CPM: variants seen among roughly 807,000 people sequenced by gnomAD.
CPM encodes renal carboxypeptidase.
Under a neutral mutation model 46.4 loss-of-function variants are expected in CPM, and 35 were observed. That is an observed-to-expected ratio of 0.75 (90% CI 0.58 to 1.00). The LOEUF (loss-of-function observed/expected upper bound fraction) is 1.00, where lower values mean the gene tolerates loss of function less well. Among genes scored for constraint, CPM ranks in the 50% least tolerant of loss-of-function variants. The pLI, the probability that CPM is intolerant of heterozygous loss-of-function variation, is 0.00. For missense variants in CPM, 422 were observed against 530.4 expected (o/e 0.80, Z 2.01); for synonymous variants, 195 against 195.3 (o/e 1.00, Z 0.01).
chr12:68,856,388 G>A lies in CPM; in HGVS notation c.*49C>T, dbSNP rs201333307. 2.5e-5 allele frequency: 39 copies of A among 1,584,736 alleles called. No individual in the cohort carries two copies. In the Middle Eastern group the frequency reaches 6.9e-4, roughly 28 times the overall value. The stretch of plus-strand genomic sequence containing the variant: ...TTAGGGTTGCAGTAACCTGGAGTGA[G>A]CAATCCCTGATTCCAGGTGGTGATG... On this transcript the variant is annotated 3_prime_UTR_variant, in exon 9 of 9. Coordinates refer to ENST00000551568, the MANE Select transcript of CPM (RefSeq NM_198320.5).
intron 2 of CPM, among the ~76,000 whole-genome samples, chr12:68,929,728 A>G (rs2136320101): frequency 6.6e-6 from 1 of 152,368 alleles, no homozygotes; most frequent in Non-Finnish European, 1.5e-5. Flanking sequence ...GAGTTAACCA[A>G]AAACTATACA....
At chr12:68,914,252 GC>G in intron 2 of CPM, among the ~76,000 whole-genome samples, 1 of 146,404 alleles carries the variant, frequency 6.8e-6, no homozygotes, top group Non-Finnish European at 1.5e-5. Flanking sequence ...CCTCTGCCCC[GC>G]CCCCACCCCC....
chr12:68,916,782 G>C (rs1411005433), intron 2 of CPM, among the ~76,000 whole-genome samples: 1 of 151,744 alleles, frequency 6.6e-6, no homozygotes, highest in African/African-American at 2.4e-5. Flanking sequence ...CCAGCTACTC[G>C]GGGGCTGAGG....
At chr12:68,942,285 T>C (rs889196794) in intron 1 of CPM, among the ~76,000 whole-genome samples, 2 of 152,172 alleles carry the variant, frequency 1.3e-5, no homozygotes, top group Admixed American at 1.3e-4. Context: ...TAGTATTCCT[T>C]TGAGAGATTT....
At chr12:68,924,116 C>G (rs940763497) in intron 2 of CPM, among the ~76,000 whole-genome samples, 4 of 148,514 alleles carry the variant, frequency 2.7e-5, no homozygotes, top group Admixed American at 2.0e-4. Flanking sequence ...TCGAGACCAG[C>G]CTGGGCTACA....
At chr12:68,920,056 C>T (rs748634299) in intron 2 of CPM, among the ~76,000 whole-genome samples, 28 of 152,168 alleles carry the variant, frequency 1.8e-4, no homozygotes, top group Admixed American at 1.0e-3. Flanking sequence ...TGTTTAAAAG[C>T]GTGTGGCACC....
chr12:68,877,531 A>C (rs1629507), intron 3 of CPM, among the ~76,000 whole-genome samples: 121,965 of 152,164 alleles, frequency 0.8, 49,030 homozygotes, highest in African/African-American at 0.87. Flanking sequence ...GCTAACAATT[A>C]CGCTCATGAC....
chr12:68,874,818 G>C (rs529717294), intron 3 of CPM, among the ~76,000 whole-genome samples: 7 of 152,258 alleles, frequency 4.6e-5, no homozygotes, highest in Admixed American at 2.0e-4. Context: ...AGAACAGAGA[G>C]GAAGTGATAT....
chr12:68,875,222 G>A (rs1295770130), intron 3 of CPM, among the ~76,000 whole-genome samples: 1 of 151,900 alleles, frequency 6.6e-6, no homozygotes, highest in Non-Finnish European at 1.5e-5. Context: ...ATGGTGGTGG[G>A]CACCTGTAGT....
chr12:68,924,575 C>T (rs1466572661), intron 2 of CPM, among the ~76,000 whole-genome samples: 4 of 151,934 alleles, frequency 2.6e-5, no homozygotes, highest in Non-Finnish European at 2.9e-5. Context: ...AGGTACTCTG[C>T]GTATTATGTT....
chr12:68,944,724 T>C (rs992368367), intron 1 of CPM, among the ~76,000 whole-genome samples: 1 of 151,792 alleles, frequency 6.6e-6, no homozygotes, highest in Non-Finnish European at 1.5e-5. Flanking sequence ...TTTGTTTTTT[T>C]TTTTTAAATT....
chr12:68,962,199 CA>C (rs763014081), intron 1 of CPM, among the ~76,000 whole-genome samples: 53 of 29,486 alleles, frequency 1.8e-3, no homozygotes, highest in Non-Finnish European at 3.5e-3. Flanking sequence ...GACTCCATCT[CA>C]AAAAAAAAAA....
chr12:68,951,973 G>A lies in CPM; in HGVS notation c.-4+11196C>T, dbSNP rs900046005. Among the ~76,000 whole-genome samples the A allele has an allele frequency of 5.9e-5, 9 of 152,156 alleles. No individual in the cohort carries two copies. In the East Asian group the frequency reaches 1.7e-3, roughly 29 times the overall value. ...ACCATGTGAGGGGAGGGAGGAAGCT[G>A]CAATCCGTGTGTGGGTTTTTGCTGA... On this transcript the variant is annotated intron_variant, in intron 1 of 8. Coordinates refer to the CPM transcript ENST00000546373.
At chr12:68,962,369 G>A (rs116582227) in intron 1 of CPM, among the ~76,000 whole-genome samples, 2,555 of 152,190 alleles carry the variant, frequency 0.017, 79 homozygotes, top group African/African-American at 0.055. Context: ...GAAGCAGCCT[G>A]AGAAGCAAAA....
chr12:68,931,221 T>C (rs1278683304), intron 2 of CPM, among the ~76,000 whole-genome samples: 1 of 152,182 alleles, frequency 6.6e-6, no homozygotes, highest in Non-Finnish European at 1.5e-5. Context: ...ACTTTTTCTT[T>C]AATATAGAAG....
intron 1 of CPM, among the ~76,000 whole-genome samples, chr12:68,953,152 C>A (rs570273637): frequency 2.6e-5 from 4 of 152,150 alleles, no homozygotes; most frequent in Admixed American, 1.3e-4. Context: ...ATTGCTCCTA[C>A]GGAATACTTG....
At chr12:68,939,848 A>T (rs556896841) in intron 1 of CPM, among the ~76,000 whole-genome samples, 1 of 152,254 alleles carries the variant, frequency 6.6e-6, no homozygotes, top group South Asian at 2.1e-4. Context: ...TGCCAATTTC[A>T]TAGATAAAAA....
In CPM at chr12:68,869,487, C is replaced by A. The variant is rs1160392365; in HGVS notation, c.625G>T (p.Ala209Ser). 1 of 1,601,026 alleles carries A rather than the reference C, an allele frequency of 6.2e-7. No individual in the cohort carries two copies. Among genetic ancestry groups the A allele is most frequent in the Non-Finnish European group, 8.5e-7 (1 of 1,173,212 alleles). Residue 209 changes from alanine to serine, a missense_variant, in exon 6 of 9, where the codon GCA (alanine) becomes TCA (serine). Physicochemically the swap from Ala to Ser is moderately conservative, Grantham distance 99. Coordinates refer to ENST00000551568, the MANE Select transcript of CPM (RefSeq NM_198320.5). Reference sequence around the variant, plus strand: ...GGCGTTAAGCTTCGGGAGTATAATGCCCCAGTTGCTGCATTTAAAAGATGA... The same window carrying A: ...GGCGTTAAGCTTCGGGAGTATAATGACCCAGTTGCTGCATTTAAAAGATGA... ...PFDNGVQATG[A>S]LYSRSLTPDD...
intron 6 of CPM, among the ~76,000 whole-genome samples, chr12:68,868,581 T>C (rs1885558493): frequency 6.6e-6 from 1 of 152,134 alleles, no homozygotes; most frequent in South Asian, 2.1e-4. Flanking sequence ...CCCGGGTTTC[T>C]GTTTATATTA....
Sources: allele counts gnomAD v4.1 joint callset (sites outside exome capture counted in the v4.1 genomes callset), GRCh38; gene constraint gnomAD v4.1.1; transcripts MANE v1.5; gene names NCBI Gene and HGNC (gene_info 2026-07-23, HGNC 2026-07-21).